The following LYPD6 variants were observed in gnomAD, a reference collection of about 807,000 sequenced individuals.
The protein encoded by LYPD6 is ly6/PLAUR domain-containing protein 6.
LYPD6 carries 15 observed loss-of-function variants against 22.7 expected under a neutral mutation model. The observed-to-expected ratio is 0.66, with a 90% confidence interval of 0.44 to 1.02. The LOEUF (loss-of-function observed/expected upper bound fraction) is 1.02, where lower values mean the gene tolerates loss of function less well. Ranked by LOEUF, LYPD6 falls within the 50% of genes least tolerant of loss-of-function variation. LYPD6 has a pLI of 0.00. For missense variants in LYPD6, 189 were observed against 208.4 expected, an observed-to-expected ratio of 0.91 and a Z score of 0.57; for synonymous variants, 72 against 77.5, an observed-to-expected ratio of 0.93 and a Z score of 0.37.
intron 1 of LYPD6, among the ~76,000 whole-genome samples, chr2:149,396,945 CTTA>C: frequency 6.6e-6 from 1 of 152,272 alleles, no homozygotes; most frequent in South Asian, 2.1e-4. Flanking sequence ...TATAAAATGG[CTTA>C]TTATTTGCAT....
At chr2:149,380,220 T>G (rs2105086547) in intron 1 of LYPD6, among the ~76,000 whole-genome samples, 1 of 152,304 alleles carries the variant, frequency 6.6e-6, no homozygotes, top group African/African-American at 2.4e-5. Context: ...AGCTCTTGAT[T>G]ATATAGTGTC....
intron 3 of LYPD6, among the ~76,000 whole-genome samples, chr2:149,467,450 A>G (rs1217175962): frequency 6.6e-6 from 1 of 152,176 alleles, no homozygotes; most frequent in Non-Finnish European, 1.5e-5. Context: ...CTGAGTTTTG[A>G]TGACTTCCAG....
At chr2:149,400,871 G>A (rs1012972156) in intron 1 of LYPD6, among the ~76,000 whole-genome samples, 1 of 152,156 alleles carries the variant, frequency 6.6e-6, no homozygotes, top group African/African-American at 2.4e-5. Flanking sequence ...TAACTAAATT[G>A]GGATTTACTT....
At chr2:149,361,228 C>T (rs1681566477) in intron 1 of LYPD6, among the ~76,000 whole-genome samples, 1 of 152,144 alleles carries the variant, frequency 6.6e-6, no homozygotes, top group African/African-American at 2.4e-5. Flanking sequence ...AAGCGTGAGA[C>T]ACAAGGGTAA....
chr2:149,415,842 ATT>A (rs35143564), intron 1 of LYPD6, among the ~76,000 whole-genome samples: 4 of 150,756 alleles, frequency 2.7e-5, no homozygotes, highest in African/African-American at 2.4e-5. Context: ...AATTTTTGTA[ATT>A]TTTTTTTGTA....
At chr2:149,351,456 A>C (rs2105059069) in intron 1 of LYPD6, among the ~76,000 whole-genome samples, 1 of 151,354 alleles carries the variant, frequency 6.6e-6, no homozygotes, top group Non-Finnish European at 1.5e-5. Context: ...TTACTGACTG[A>C]GAATTATCCT....
At chr2:149,378,275 G>A (rs957017706) in intron 1 of LYPD6, among the ~76,000 whole-genome samples, 4 of 151,968 alleles carry the variant, frequency 2.6e-5, no homozygotes, top group South Asian at 4.2e-4. Flanking sequence ...CTGCCACCAC[G>A]CCCAGCTAAT....
intron 1 of LYPD6, among the ~76,000 whole-genome samples, chr2:149,376,490 A>G (rs956341116): frequency 2.6e-5 from 4 of 152,176 alleles, no homozygotes; most frequent in African/African-American, 7.2e-5. Context: ...GGGATAAAGA[A>G]CAAGGTCAGA....
chr2:149,378,151 C>CT (rs1285469100), intron 1 of LYPD6, among the ~76,000 whole-genome samples: 3 of 152,158 alleles, frequency 2.0e-5, no homozygotes, highest in Non-Finnish European at 2.9e-5. Context: ...GGGTTTCACT[C>CT]TGTCACCCAG....
In LYPD6 at chr2:149,468,032, T is replaced by C. The variant is rs114122661; in HGVS notation, c.218-613T>C. 1.7e-3 allele frequency among the ~76,000 whole-genome samples: 260 copies of C among 152,104 alleles called. 1 individual carries two copies. In the Middle Eastern group the frequency reaches 0.02, roughly 12 times the overall value. On this transcript the variant is annotated intron_variant, in intron 3 of 4. Coordinates refer to ENST00000334166, the MANE Select transcript of LYPD6 (RefSeq NM_194317.5). ...TCCTCAATTTTGGAAAAATGTTCATTATTGTTTCAGTCTTCGTCTGTAATG... is the reference window on the plus strand; with the variant it reads ...TCCTCAATTTTGGAAAAATGTTCATCATTGTTTCAGTCTTCGTCTGTAATG...
At chr2:149,383,783 T>G (rs1009428519) in intron 1 of LYPD6, among the ~76,000 whole-genome samples, 1 of 152,198 alleles carries the variant, frequency 6.6e-6, no homozygotes, top group Admixed American at 6.6e-5. Flanking sequence ...ACTGATGATA[T>G]GTACTAGTAA....
intron 1 of LYPD6, among the ~76,000 whole-genome samples, chr2:149,407,694 C>T (rs1010579739): frequency 2.0e-5 from 3 of 152,144 alleles, no homozygotes; most frequent in Admixed American, 6.6e-5. Context: ...TCCTGTAGCT[C>T]GGAGTAGTTT....
At chr2:149,357,489 C>G (rs1292597277) in intron 1 of LYPD6, among the ~76,000 whole-genome samples, 1 of 152,092 alleles carries the variant, frequency 6.6e-6, no homozygotes, top group Admixed American at 6.6e-5. Flanking sequence ...TTTCTCTGGG[C>G]CTGTTGACTG....
chr2:149,384,733 T>G (rs1196685), intron 1 of LYPD6, among the ~76,000 whole-genome samples: 39,720 of 151,948 alleles, frequency 0.26, 6,512 homozygotes, highest in East Asian at 0.76. Context: ...ATTTTTTTAT[T>G]TTATTATTAT....
At chr2:149,374,369 C>T (rs114516108) in intron 1 of LYPD6, among the ~76,000 whole-genome samples, 3,499 of 152,220 alleles carry the variant, frequency 0.023, 80 homozygotes, top group Middle Eastern at 0.078. Context: ...AATGTTTAGT[C>T]GAGGTTGAAA....
At chr2:149,437,853 A>G (rs765257354) in intron 2 of LYPD6, 27 bp downstream of exon 2, 6 of 1,611,434 alleles carry the variant, frequency 3.7e-6, no homozygotes, top group Non-Finnish European at 5.1e-6. Context: ...TGCTGCAGAA[A>G]TATCACTTTA....
intron 1 of LYPD6, among the ~76,000 whole-genome samples, chr2:149,399,055 A>G (rs1682491826): frequency 6.6e-6 from 1 of 152,100 alleles, no homozygotes; most frequent in South Asian, 2.1e-4. Flanking sequence ...TATCATGTAT[A>G]TATGCAGTTA....
the LYPD6 span, among the ~76,000 whole-genome samples, chr2:149,481,435 G>A: frequency 6.6e-6 from 1 of 152,184 alleles, no homozygotes; most frequent in Non-Finnish European, 1.5e-5. Flanking sequence ...TATGAGAATG[G>A]ACATATTCTG....
intron 1 of LYPD6, among the ~76,000 whole-genome samples, chr2:149,418,116 C>G (rs577812291): frequency 6.6e-6 from 1 of 152,134 alleles, no homozygotes; most frequent in African/African-American, 2.4e-5. Context: ...TGCATGGGCT[C>G]GATCTCTATG....
Sources: gnomAD v4.1 joint callset for allele counts (sites outside exome capture counted in the v4.1 genomes callset) on GRCh38, gnomAD v4.1.1 for gene constraint, MANE v1.5 for transcripts, NCBI Gene and HGNC (gene_info 2026-07-23, HGNC 2026-07-21) for gene names.